SEMA3A: variants seen among roughly 807,000 people sequenced by gnomAD.
SEMA3A encodes the protein semaphorin-3A.
In SEMA3A, 29 loss-of-function variants were observed where a neutral mutation model predicts 97.9. That is an observed-to-expected ratio of 0.30 (90% CI 0.22 to 0.40). SEMA3A has a LOEUF of 0.40. Ranked by LOEUF, SEMA3A falls within the 10% of genes least tolerant of loss-of-function variation. The pLI is 1.00. For missense variants in SEMA3A, 763 were observed against 951.3 expected, an observed-to-expected ratio of 0.80 and a Z score of 2.60; for synonymous variants, 321 against 323.7, an observed-to-expected ratio of 0.99 and a Z score of 0.09.
At chr7:84,414,404 A>C (rs1240180876) in intron 1 of SEMA3A, among the ~76,000 whole-genome samples, 1 of 151,978 alleles carries the variant, frequency 6.6e-6, no homozygotes, top group African/African-American at 2.4e-5. Flanking sequence ...TAAAAAAAAA[A>C]AAAAAACAGT....
At position 84,091,130 on chromosome 7, in the gene SEMA3A, AAG is replaced by A. The variant is rs1307171051; in HGVS notation, c.453+19338_453+19339del. Reference sequence around the variant, plus strand: ...AGAAAGAAAGAAAGAAAAAGAAAGAAAGAAAGAAGGAAGGAAGGAAGGAAGGA... The same window carrying A: ...AGAAAGAAAGAAAGAAAAAGAAAGAAAAAGAAGGAAGGAAGGAAGGAAGGA... On this transcript the variant is annotated intron_variant, in intron 4 of 16. Transcript: ENST00000265362. Among the ~76,000 whole-genome samples the A allele has an allele frequency of 5.4e-3, 324 of 59,924 alleles. 7 individuals are homozygous for A. The highest frequency in any genetic ancestry group is 8.5e-3 in the Middle Eastern group (1 of 118). 39.3% of individuals were successfully genotyped at this position (59,924 alleles called of 152,430 possible). A position where few individuals can be genotyped will look rare whatever the true frequency, so the allele number is the denominator to read the frequency against.
At position 84,233,538 on chromosome 7, in the gene SEMA3A, T is replaced by C. The variant is rs112906664; in HGVS notation, c.-82-38870A>G. On this transcript the variant is annotated intron_variant, in intron 3 of 3. Transcript: ENST00000424555. ...TTTACACATAATGAGAAATGAAAATTGTTTATTGTCAATGAATATAATTTA... is the reference window on the plus strand; with the variant it reads ...TTTACACATAATGAGAAATGAAAATCGTTTATTGTCAATGAATATAATTTA... 6.1e-4 allele frequency among the ~76,000 whole-genome samples: 93 copies of C among 152,126 alleles called. 1 individual carries two copies. The highest frequency in any genetic ancestry group is 6.8e-3 in the Middle Eastern group (2 of 294).
chr7:84,083,230 G>A (rs746174005), intron 4 of SEMA3A, among the ~76,000 whole-genome samples: 10 of 151,508 alleles, frequency 6.6e-5, no homozygotes, highest in Admixed American at 1.3e-4. Flanking sequence ...ACACACACAC[G>A]TATTTGTACT....
chr7:84,331,515 C>A (rs947215498), intron 2 of SEMA3A, among the ~76,000 whole-genome samples: 2 of 152,030 alleles, frequency 1.3e-5, no homozygotes, highest in African/African-American at 4.8e-5. Flanking sequence ...TTATTACTAG[C>A]AGTTTGTGGT....
intron 14 of SEMA3A, among the ~76,000 whole-genome samples, chr7:83,980,623 A>ACAAAAAAAAAAAAAATATAT (rs1554383377): frequency 2.8e-5 from 2 of 71,758 alleles, no homozygotes; most frequent in South Asian, 3.9e-4. Flanking sequence ...AAAAAAAAAA[A>ACAAAAAAAAAAAAAATATAT]ATATATATAT....
intron 1 of SEMA3A, among the ~76,000 whole-genome samples, chr7:84,147,292 A>T (rs907126844): frequency 1.3e-5 from 2 of 152,196 alleles, no homozygotes; most frequent in Non-Finnish European, 2.9e-5. Flanking sequence ...TCTAATGCTG[A>T]GCAAAATGAG....
chr7:84,300,805 G>T (rs1489819913), intron 3 of SEMA3A, among the ~76,000 whole-genome samples: 2 of 151,964 alleles, frequency 1.3e-5, no homozygotes, highest in Non-Finnish European at 2.9e-5. Context: ...AAATCTTGGT[G>T]CATCGAGATA....
chr7:83,989,853 A>G (rs1303992933), intron 12 of SEMA3A, among the ~76,000 whole-genome samples: 2 of 150,744 alleles, frequency 1.3e-5, no homozygotes, highest in Admixed American at 1.3e-4. Context: ...TGGCTGGGTC[A>G]AATGGTATTT....
intron 2 of SEMA3A, among the ~76,000 whole-genome samples, chr7:84,314,676 A>T (rs1801449505): frequency 1.3e-5 from 2 of 152,222 alleles, no homozygotes; most frequent in African/African-American, 2.4e-5. Context: ...TCACTGAACT[A>T]TGCAATAGAA....
In SEMA3A at chr7:84,012,302, A is replaced by C. The variant is rs183608578; in HGVS notation, c.811-1005T>G. Among the ~76,000 whole-genome samples the C allele has an allele frequency of 3.1e-3, 471 of 151,024 alleles. 2 individuals are homozygous for C. The highest frequency in any genetic ancestry group is 0.011 in the African/African-American group (436 of 40,616). On this transcript the variant is annotated intron_variant, in intron 7 of 16. Coordinates refer to ENST00000265362, the MANE Select transcript of SEMA3A (RefSeq NM_006080.3). ...AGGATCTAGCCATTTCACATTTTAA[A>C]ACATCATGTTGCACACAGTAAATAT...
At chr7:84,430,860 C>A (rs1413118583) in intron 1 of SEMA3A, among the ~76,000 whole-genome samples, 1 of 150,270 alleles carries the variant, frequency 6.7e-6, no homozygotes, top group Non-Finnish European at 1.5e-5. Flanking sequence ...GTATTTAGAC[C>A]AGCATTTAGT....
At chr7:84,370,625 A>G (rs188458073) in intron 2 of SEMA3A, among the ~76,000 whole-genome samples, 1 of 151,824 alleles carries the variant, frequency 6.6e-6, no homozygotes, top group Admixed American at 6.6e-5. Context: ...GCCAATTTAT[A>G]AATATTTACC....
chr7:84,321,044 A>G (rs1308818464), intron 2 of SEMA3A, among the ~76,000 whole-genome samples: 1 of 152,146 alleles, frequency 6.6e-6, no homozygotes, highest in Non-Finnish European at 1.5e-5. Flanking sequence ...TGACTTTAGG[A>G]AAGAGTTCTT....
intron 3 of SEMA3A, among the ~76,000 whole-genome samples, chr7:84,259,776 T>C (rs189519822): frequency 1.0e-5 from 1 of 97,466 alleles, no homozygotes; most frequent in East Asian, 2.9e-4. Context: ...TTAGTGCAGT[T>C]AAAAAACAAA....
chr7:84,398,893 C>A (rs182219669), intron 1 of SEMA3A, among the ~76,000 whole-genome samples: 45 of 152,204 alleles, frequency 3.0e-4, no homozygotes, highest in Admixed American at 2.3e-3. Context: ...TAGAACCCTC[C>A]AGCAATTGTA....
chr7:83,990,349 T>A (rs1000529072), intron 12 of SEMA3A, among the ~76,000 whole-genome samples: 1 of 152,004 alleles, frequency 6.6e-6, no homozygotes, highest in African/African-American at 2.4e-5. Context: ...AATTTTGGCT[T>A]TTGTTGCCAT....
intron 3 of SEMA3A, among the ~76,000 whole-genome samples, chr7:84,125,625 A>T (rs1049244541): frequency 2.0e-5 from 3 of 152,182 alleles, no homozygotes; most frequent in African/African-American, 7.2e-5. Context: ...GTGGATCATT[A>T]GTTTATTGAG....
chr7:84,323,333 G>T (rs2115918329), intron 2 of SEMA3A, among the ~76,000 whole-genome samples: 1 of 152,186 alleles, frequency 6.6e-6, no homozygotes, highest in East Asian at 1.9e-4. Flanking sequence ...GCTAAAGTTT[G>T]CTAATATTCA....
intron 3 of SEMA3A, among the ~76,000 whole-genome samples, chr7:84,283,302 C>T (rs981594729): frequency 6.6e-6 from 1 of 151,962 alleles, no homozygotes; most frequent in Non-Finnish European, 1.5e-5. Context: ...TCAATACACG[C>T]GTGTGTTAAA....
Sources: allele counts gnomAD v4.1 joint callset (sites outside exome capture counted in the v4.1 genomes callset), GRCh38; gene constraint gnomAD v4.1.1; transcripts MANE v1.5; gene names NCBI Gene and HGNC (gene_info 2026-07-23, HGNC 2026-07-21).